Variants in CAAP1 observed in about 807,000 individuals in gnomAD.
The protein encoded by CAAP1 is caspase activity and apoptosis inhibitor 1.
A neutral mutation model predicts 34.0 loss-of-function variants in CAAP1; 20 were observed. That is an observed-to-expected ratio of 0.59 (90% confidence interval 0.41 to 0.86). CAAP1 has a LOEUF of 0.86. CAAP1 is among the 40% of genes least tolerant of loss of function. The pLI, the probability that CAAP1 is intolerant of heterozygous loss-of-function variation, is 0.00. For missense variants in CAAP1, 538 were observed against 450.5 expected, an observed-to-expected ratio of 1.19 and a Z score of -1.76; for synonymous variants, 213 against 166.7, an observed-to-expected ratio of 1.28 and a Z score of -2.14.
intron 4 of CAAP1, among the ~76,000 whole-genome samples, chr9:26,878,105 T>C (rs12343965): frequency 0.042 from 6,408 of 152,218 alleles, 456 homozygotes; most frequent in African/African-American, 0.15. Context: ...ATGGTAACAA[T>C]CCCCTATTCT....
intron 5 of CAAP1, among the ~76,000 whole-genome samples, chr9:26,855,139 G>T (rs952403622): frequency 6.6e-6 from 1 of 152,168 alleles, no homozygotes; most frequent in African/African-American, 2.4e-5. Context: ...CCATGCAATG[G>T]AAAATATTCA....
At chr9:26,866,979 C>A (rs552815832) in intron 4 of CAAP1, among the ~76,000 whole-genome samples, 1 of 152,172 alleles carries the variant, frequency 6.6e-6, no homozygotes, top group African/African-American at 2.4e-5. Context: ...AGGAGGTGAG[C>A]GGTGGTGGGC....
chr9:26,885,344 G>T (rs1013778548), intron 3 of CAAP1, among the ~76,000 whole-genome samples: 3 of 151,936 alleles, frequency 2.0e-5, no homozygotes, highest in African/African-American at 4.8e-5. Flanking sequence ...CAAAGTGCTG[G>T]GATTACAGGC....
intron 5 of CAAP1, among the ~76,000 whole-genome samples, chr9:26,846,097 C>G (rs1038423292): frequency 1.3e-5 from 2 of 151,016 alleles, no homozygotes; most frequent in Non-Finnish European, 2.9e-5. Flanking sequence ...ACAGCCAATT[C>G]TTCCTTCTTT....
chr9:26,873,440 A>G (rs1823328334), intron 4 of CAAP1, among the ~76,000 whole-genome samples: 2 of 152,252 alleles, frequency 1.3e-5, no homozygotes, highest in Admixed American at 6.5e-5. Flanking sequence ...AGATATTTAG[A>G]GAAAGCAATT....
At chr9:26,881,582 C>A (rs1823594390) in intron 4 of CAAP1, among the ~76,000 whole-genome samples, 1 of 152,184 alleles carries the variant, frequency 6.6e-6, no homozygotes, top group Admixed American at 6.5e-5. Context: ...ACTGTGAGGC[C>A]TCCTCAGCCA....
At chr9:26,886,621 T>A (rs1823744902) in intron 2 of CAAP1, among the ~76,000 whole-genome samples, 1 of 152,162 alleles carries the variant, frequency 6.6e-6, no homozygotes, top group African/African-American at 2.4e-5. Flanking sequence ...CAAAAATAAA[T>A]AAAAATACTT....
chr9:26,850,769 C>T (rs1220168813), intron 5 of CAAP1, among the ~76,000 whole-genome samples: 1 of 152,074 alleles, frequency 6.6e-6, no homozygotes, highest in African/African-American at 2.4e-5. Context: ...TTATAGAGAA[C>T]TTGGCTTTTT....
intron 5 of CAAP1, among the ~76,000 whole-genome samples, chr9:26,847,238 G>A (rs189381403): frequency 0.023 from 920 of 40,062 alleles, 14 homozygotes; most frequent in African/African-American, 0.069. Context: ...TTTTTGACAC[G>A]GAGTCTTGCT....
chr9:26,851,817 T>C (rs1421375193), intron 5 of CAAP1, among the ~76,000 whole-genome samples: 4 of 152,108 alleles, frequency 2.6e-5, no homozygotes, highest in African/African-American at 9.7e-5. Flanking sequence ...CCTCAAGATT[T>C]CTTGGAACTT....
chr9:26,887,841 A>T (rs1240772639), intron 1 of CAAP1, among the ~76,000 whole-genome samples: 2 of 152,186 alleles, frequency 1.3e-5, no homozygotes, highest in African/African-American at 2.4e-5. Context: ...ATTCACCCAA[A>T]AGCTCTATGT....
chr9:26,849,888 G>T (rs911502146), intron 5 of CAAP1, among the ~76,000 whole-genome samples: 2 of 151,660 alleles, frequency 1.3e-5, no homozygotes, highest in African/African-American at 4.8e-5. Flanking sequence ...GCCCAGGCTG[G>T]AGTGCAGTGG....
Position 26,842,219 on chromosome 9 carries a change from G to T in CAAP1, c.*82C>A. The stretch of plus-strand genomic sequence containing the variant: ...GGGTTACATGAGAAATAACATATAA[G>T]ACCCCAAATAAATTTTAGATACAAA... On this transcript the variant is annotated 3_prime_UTR_variant, in exon 6 of 6. Coordinates refer to ENST00000333916, the MANE Select transcript of CAAP1 (RefSeq NM_024828.4). 1 of 1,096,512 alleles carries T rather than the reference G, an allele frequency of 9.1e-7. No homozygotes were observed. The highest frequency in any genetic ancestry group is 1.3e-6 in the Non-Finnish European group (1 of 774,036). The allele number at this position is 1,096,512 out of a possible 1,614,324, so 67.9% of individuals were successfully genotyped here.
chr9:26,852,128 T>C (rs1187665796), intron 5 of CAAP1, among the ~76,000 whole-genome samples: 1 of 106,418 alleles, frequency 9.4e-6, no homozygotes, highest in Admixed American at 1.1e-4. Context: ...GGCCCAATCA[T>C]GGCTCACTGC....
At chr9:26,876,981 C>A (rs929274543) in intron 4 of CAAP1, among the ~76,000 whole-genome samples, 3 of 152,040 alleles carry the variant, frequency 2.0e-5, no homozygotes, top group African/African-American at 7.2e-5. Context: ...TAGTGAGACC[C>A]TGTCTCTACA....
intron 3 of CAAP1, among the ~76,000 whole-genome samples, chr9:26,885,339 T>A (rs576234266): frequency 8.8e-4 from 134 of 152,232 alleles, no homozygotes; most frequent in African/African-American, 3.0e-3. Flanking sequence ...CCTCCCAAAG[T>A]GCTGGGATTA....
chr9:26,858,293 G>C (rs543227546), intron 5 of CAAP1, among the ~76,000 whole-genome samples: 2 of 152,194 alleles, frequency 1.3e-5, no homozygotes, highest in African/African-American at 4.8e-5. Context: ...AGAAAACAGG[G>C]AATAATCTTT....
intron 4 of CAAP1, among the ~76,000 whole-genome samples, chr9:26,883,408 C>A (rs1054776181): frequency 1.3e-5 from 2 of 152,120 alleles, no homozygotes; most frequent in African/African-American, 4.8e-5. Flanking sequence ...GTGAGGCATC[C>A]CCAGTCATGT....
intron 5 of CAAP1, among the ~76,000 whole-genome samples, chr9:26,849,888 G>C (rs911502146): frequency 6.6e-6 from 1 of 151,542 alleles, no homozygotes; most frequent in Admixed American, 6.6e-5. Context: ...GCCCAGGCTG[G>C]AGTGCAGTGG....
Sources: gnomAD v4.1 joint callset for allele counts (sites outside exome capture counted in the v4.1 genomes callset) on GRCh38, gnomAD v4.1.1 for gene constraint, MANE v1.5 for transcripts, NCBI Gene and HGNC (gene_info 2026-07-23, HGNC 2026-07-21) for gene names.